The following RPH3A variants were observed in gnomAD, a reference collection of about 807,000 sequenced individuals.
RPH3A encodes the protein rabphilin-3A.
A neutral mutation model predicts 102.2 loss-of-function variants in RPH3A; 48 were observed. That is an observed-to-expected ratio of 0.47 (90% CI 0.37 to 0.60). The LOEUF is 0.60. Among genes scored for constraint, RPH3A ranks in the 20% least tolerant of loss-of-function variants. The pLI is 0.00. For missense variants in RPH3A, 781 were observed against 910.1 expected (o/e 0.86, Z 1.83); for synonymous variants, 310 against 324.3 (o/e 0.96, Z 0.47).
intron 1 of RPH3A, among the ~76,000 whole-genome samples, chr12:112,711,783 T>G (rs1042837869): frequency 3.3e-5 from 5 of 152,192 alleles, no homozygotes; most frequent in Non-Finnish European, 7.4e-5. Flanking sequence ...ATGCTGCATC[T>G]GTCCACTTTT....
At chr12:112,797,299 T>C (rs573975317) in intron 2 of RPH3A, among the ~76,000 whole-genome samples, 17 of 152,290 alleles carry the variant, frequency 1.1e-4, no homozygotes, top group African/African-American at 3.9e-4. Flanking sequence ...AATGAGAAGC[T>C]ATAAGAGCCT....
chr12:112,619,246 CTGTGTGTGTG>C (rs60894997), intron 1 of RPH3A, among the ~76,000 whole-genome samples: 5,639 of 125,402 alleles, frequency 0.045, 167 homozygotes, highest in African/African-American at 0.09. Context: ...TATGGTAATT[CTGTGTGTGTG>C]TGTGTGTGTG....
chr12:112,709,062 C>T (rs1282765682), intron 1 of RPH3A, among the ~76,000 whole-genome samples: 1 of 152,114 alleles, frequency 6.6e-6, no homozygotes, highest in African/African-American at 2.4e-5. Context: ...AACCCTAAAA[C>T]TCTTACTCTC....
chr12:112,815,236 G>A (rs2041651562), intron 2 of RPH3A, among the ~76,000 whole-genome samples: 1 of 152,180 alleles, frequency 6.6e-6, no homozygotes, highest in South Asian at 2.1e-4. Flanking sequence ...GTCTGGAGGC[G>A]CAAATAGAAA....
At chr12:112,878,535 A>G (rs188895995) in intron 13 of RPH3A, among the ~76,000 whole-genome samples, 1 of 152,344 alleles carries the variant, frequency 6.6e-6, no homozygotes, top group Non-Finnish European at 1.5e-5. Context: ...TCCAGTGAAG[A>G]GAGGCAGTTA....
upstream of RPH3A, among the ~76,000 whole-genome samples, chr12:112,787,117 C>G (rs1048857615): frequency 2.6e-5 from 4 of 152,162 alleles, no homozygotes; most frequent in Non-Finnish European, 5.9e-5. Context: ...CCTCCAGCCT[C>G]CCTCCTATAA....
intron 2 of RPH3A, among the ~76,000 whole-genome samples, chr12:112,823,170 G>A (rs2041810240): frequency 3.9e-5 from 6 of 152,198 alleles, no homozygotes; most frequent in Admixed American, 3.3e-4. Context: ...GGGCCAGAGG[G>A]CCAGGAATGG....
chr12:112,760,942 C>A (rs751131399), intron 1 of RPH3A, among the ~76,000 whole-genome samples: 13 of 150,944 alleles, frequency 8.6e-5, no homozygotes, highest in Non-Finnish European at 1.9e-4. Flanking sequence ...CACAACCAAT[C>A]AATCAACACT....
In RPH3A at chr12:112,793,033, C is replaced by T. The variant is rs149950735; in HGVS notation, c.-19+770C>T. On this transcript the variant is annotated intron_variant, in intron 2 of 21. Coordinates refer to ENST00000389385, the MANE Select transcript of RPH3A (RefSeq NM_001143854.2). ...TTCATCTCAGAAGGAAGGAGGGGAA[C>T]AAAGCTTGTTCAAATTCTGGGGAAA... Among the ~76,000 whole-genome samples the T allele has an allele frequency of 1.6e-3, 244 of 152,272 alleles. 1 individual carries two copies. The highest frequency in any genetic ancestry group is 5.7e-3 in the African/African-American group (236 of 41,552).
chr12:112,732,272 C>T (rs1453578064), intron 1 of RPH3A, among the ~76,000 whole-genome samples: 2 of 152,154 alleles, frequency 1.3e-5, no homozygotes, highest in Non-Finnish European at 2.9e-5. Flanking sequence ...ACTTTAGAGA[C>T]TCAGTTTGGA....
chr12:112,675,421 A>T (rs1175716945), intron 1 of RPH3A, among the ~76,000 whole-genome samples: 1 of 152,196 alleles, frequency 6.6e-6, no homozygotes, highest in Non-Finnish European at 1.5e-5. Flanking sequence ...ACTGGGTACC[A>T]GCAACGGTGC....
intron 4 of RPH3A, chr12:112,837,898 C>T (rs944876108): frequency 2.4e-6 from 1 of 422,204 alleles, no homozygotes; most frequent in African/African-American, 2.3e-5. Context: ...TCCCTCCTTT[C>T]CTCCCTCCCT....
At chr12:112,735,663 C>T (rs1210249828) in intron 1 of RPH3A, among the ~76,000 whole-genome samples, 1 of 152,142 alleles carries the variant, frequency 6.6e-6, no homozygotes, top group East Asian at 1.9e-4. Flanking sequence ...CAGAGTTAGG[C>T]ACCCAGAATT....
intron 2 of RPH3A, among the ~76,000 whole-genome samples, chr12:112,808,115 A>G (rs1175514183): frequency 1.3e-5 from 2 of 152,216 alleles, no homozygotes; most frequent in Non-Finnish European, 2.9e-5. Flanking sequence ...CCCTCTCCCC[A>G]GATGACTCTA....
chr12:112,578,409 T>C (rs185133694), intron 1 of RPH3A, among the ~76,000 whole-genome samples: 3 of 152,020 alleles, frequency 2.0e-5, no homozygotes, highest in Admixed American at 2.0e-4. Context: ...TAATAATGAG[T>C]CTTCAAAAAG....
In RPH3A at chr12:112,866,846, T is replaced by C; in HGVS notation, c.444+6T>C. 1 of 1,604,004 alleles carries C rather than the reference T, an allele frequency of 6.2e-7. No homozygotes were observed. Among genetic ancestry groups the C allele is most frequent in the Non-Finnish European group, 8.5e-7 (1 of 1,174,092 alleles). On this transcript the variant is annotated splice_donor_region_variant and intron_variant, in intron 7 of 21. Coordinates refer to ENST00000389385, the MANE Select transcript of RPH3A (RefSeq NM_001143854.2). ...TCTGCATTGAGCAGAGGGAGGTGAG[T>C]GCCCTGGTCCCACCTGGTGCCTAGA...
At chr12:112,869,386 C>T (rs755225076) in intron 8 of RPH3A, 2 of 192,520 alleles carry the variant, frequency 1.0e-5, no homozygotes, top group African/African-American at 2.3e-5. Flanking sequence ...TGTTTTCTTC[C>T]TGACAAGGCA....
intron 5 of RPH3A, among the ~76,000 whole-genome samples, chr12:112,852,621 C>T (rs2042341351): frequency 6.6e-6 from 1 of 152,130 alleles, no homozygotes. Context: ...CCTAGCTTGC[C>T]CTAGATGCCT....
At chr12:112,624,326 GAAA>G (rs1388158507) in intron 1 of RPH3A, among the ~76,000 whole-genome samples, 2 of 150,942 alleles carry the variant, frequency 1.3e-5, no homozygotes, top group Non-Finnish European at 3.0e-5. Context: ...GACTAATAAA[GAAA>G]AAAAGAAGAA....
Sources: gnomAD v4.1 joint callset for allele counts (sites outside exome capture counted in the v4.1 genomes callset) on GRCh38, gnomAD v4.1.1 for gene constraint, MANE v1.5 for transcripts, NCBI Gene and HGNC (gene_info 2026-07-23, HGNC 2026-07-21) for gene names.